The following LIN7A variants were observed in gnomAD, a reference collection of about 807,000 sequenced individuals.
The protein encoded by LIN7A is lin-7 cell polarity scaffold A.
In LIN7A, 25 loss-of-function variants were observed where a neutral mutation model predicts 29.8. The observed-to-expected ratio is 0.84, with a 90% CI of 0.61 to 1.17. The LOEUF (loss-of-function observed/expected upper bound fraction) is 1.17. LIN7A is among the 50% of genes most tolerant of loss of function. The pLI is 0.00. For synonymous variants in LIN7A, 118 were observed against 107.5 expected, an observed-to-expected ratio of 1.10 and a Z score of -0.60; for missense variants, 239 against 287.0, an observed-to-expected ratio of 0.83 and a Z score of 1.21.
Position 80,795,489 on chromosome 12 carries a change from C to T in LIN7A, c.*2238G>A, listed in dbSNP as rs1787530777. ...TCTAGAAAACACAAATGTAAACTAT[C>T]TTACCATTTGATAGTTGTTTCTGTA... On this transcript the variant is annotated 3_prime_UTR_variant, in exon 6 of 6. Transcript: ENST00000552864. 1.3e-5 allele frequency: 2 copies of T among 149,964 alleles called. No homozygotes were observed. The highest frequency in any genetic ancestry group is 4.8e-5 in the African/African-American group (2 of 41,268). The allele number at this position is 149,964 out of a possible 1,614,324, so 9.3% of individuals were successfully genotyped here.
At chr12:80,899,903 G>T (rs1161821038) in intron 1 of LIN7A, among the ~76,000 whole-genome samples, 1 of 151,032 alleles carries the variant, frequency 6.6e-6, no homozygotes, top group African/African-American at 2.4e-5. Flanking sequence ...GAGTAGCTGG[G>T]ACTACAGGCG....
intron 1 of LIN7A, among the ~76,000 whole-genome samples, chr12:80,907,052 G>GCT (rs66958018): frequency 0.028 from 1,481 of 51,992 alleles, 21 homozygotes; most frequent in Middle Eastern, 0.12. Flanking sequence ...CAGAGTGCGT[G>GCT]CTCTGTGTGT....
chr12:80,798,495 T>C (rs1376286723), intron 5 of LIN7A, among the ~76,000 whole-genome samples: 1 of 152,174 alleles, frequency 6.6e-6, no homozygotes, highest in East Asian at 1.9e-4. Context: ...ACTGAGTGGA[T>C]TGAAAACCGT....
At chr12:80,912,083 C>T (rs1876778040) in intron 1 of LIN7A, among the ~76,000 whole-genome samples, 1 of 152,150 alleles carries the variant, frequency 6.6e-6, no homozygotes, top group Non-Finnish European at 1.5e-5. Flanking sequence ...TCAGTGTCAA[C>T]ACTTACTAAT....
chr12:80,879,593 A>G (rs1023333222), intron 2 of LIN7A, among the ~76,000 whole-genome samples: 10 of 131,962 alleles, frequency 7.6e-5, no homozygotes, highest in Middle Eastern at 5.5e-3. Flanking sequence ...AATTTAGGCT[A>G]CTCTGGAACA....
intron 2 of LIN7A, among the ~76,000 whole-genome samples, chr12:80,854,760 C>T (rs769831727): frequency 6.6e-5 from 10 of 151,766 alleles, no homozygotes; most frequent in South Asian, 2.1e-4. Context: ...AATTATACTT[C>T]GAAAGACTGA....
At chr12:80,899,916 C>T (rs913424173) in intron 1 of LIN7A, among the ~76,000 whole-genome samples, 61 of 151,632 alleles carry the variant, frequency 4.0e-4, no homozygotes, top group African/African-American at 1.4e-3. Context: ...TACAGGCGCC[C>T]GCCACAATGC....
intron 1 of LIN7A, among the ~76,000 whole-genome samples, chr12:80,907,654 C>CA (rs924335141): frequency 5.3e-5 from 8 of 151,478 alleles, no homozygotes; most frequent in East Asian, 1.9e-4. Context: ...TAATAGAACA[C>CA]AAAAAAAGGC....
intron 1 of LIN7A, among the ~76,000 whole-genome samples, chr12:80,914,313 A>T (rs1353265510): frequency 1.3e-5 from 2 of 152,190 alleles, no homozygotes; most frequent in Non-Finnish European, 2.9e-5. Context: ...AAACACCTTC[A>T]ATTTTGTTTA....
intron 2 of LIN7A, among the ~76,000 whole-genome samples, chr12:80,867,838 A>G (rs1366346798): frequency 1.3e-5 from 2 of 152,162 alleles, no homozygotes; most frequent in African/African-American, 4.8e-5. Context: ...AAGTATTTTC[A>G]ATTTGTGCCT....
At chr12:80,904,822 C>T (rs1876390989) in intron 1 of LIN7A, among the ~76,000 whole-genome samples, 1 of 151,988 alleles carries the variant, frequency 6.6e-6, no homozygotes, top group Non-Finnish European at 1.5e-5. Flanking sequence ...TTCATATATA[C>T]CTATACATGT....
chr12:80,895,995 T>G (rs1052161703), intron 1 of LIN7A, among the ~76,000 whole-genome samples: 3 of 152,200 alleles, frequency 2.0e-5, no homozygotes, highest in Non-Finnish European at 4.4e-5. Context: ...AAATACAAGC[T>G]AGCTGCCAGG....
chr12:80,827,453 G>T (rs576088636), intron 4 of LIN7A, among the ~76,000 whole-genome samples: 1 of 152,154 alleles, frequency 6.6e-6, no homozygotes, highest in East Asian at 1.9e-4. Flanking sequence ...TGGACTACCC[G>T]TGTAAAGTGC....
At chr12:80,878,824 G>A (rs926981144) in intron 2 of LIN7A, among the ~76,000 whole-genome samples, 9 of 152,016 alleles carry the variant, frequency 5.9e-5, no homozygotes, top group African/African-American at 2.2e-4. Context: ...GCTGAATGGT[G>A]CATTTTACAA....
chr12:80,927,396 G>T (rs190420621), intron 1 of LIN7A, among the ~76,000 whole-genome samples: 2 of 152,002 alleles, frequency 1.3e-5, no homozygotes, highest in Non-Finnish European at 2.9e-5. Context: ...TGATCTGCCC[G>T]CCTTGGCCTC....
chr12:80,927,248 G>A (rs1488402511), intron 1 of LIN7A, among the ~76,000 whole-genome samples: 23 of 130,084 alleles, frequency 1.8e-4, no homozygotes, highest in African/African-American at 6.3e-4. Context: ...TGCAAGCTCC[G>A]CCTTCCGGCT....
Position 80,914,990 on chromosome 12 carries a change from A to C in LIN7A, c.82+22651T>G, listed in dbSNP as rs1302403020. The stretch of plus-strand genomic sequence containing the variant: ...TTGAGCCTATTGCAACAAAAACAAA[A>C]ATTGACAAGTGGAATCTAATTAAAC... On this transcript the variant is annotated intron_variant, in intron 1 of 5. Coordinates refer to ENST00000552864, the MANE Select transcript of LIN7A (RefSeq NM_004664.4). Among the ~76,000 whole-genome samples, 4 of 152,106 alleles carry C rather than the reference A, an allele frequency of 2.6e-5. No individual in the cohort carries two copies. The East Asian group carries it at 5.8e-4, about 22-fold the overall frequency.
chr12:80,821,658 A>G (rs940083061), intron 4 of LIN7A, among the ~76,000 whole-genome samples: 30 of 152,308 alleles, frequency 2.0e-4, no homozygotes, highest in Non-Finnish European at 2.9e-4. Context: ...GAGGTGCTGC[A>G]GGGCTGTGGG....
chr12:80,792,636 T>A lies in LIN7A; in HGVS notation c.*5091A>T, dbSNP rs1592835198. 6.6e-6 allele frequency: 1 copy of A among 152,220 alleles called. No homozygotes were observed. The highest frequency in any genetic ancestry group is 2.1e-4 in the South Asian group (1 of 4,830). 9.4% of individuals were successfully genotyped at this position (152,220 alleles called of 1,614,324 possible). On this transcript the variant is annotated 3_prime_UTR_variant, in exon 6 of 6. Coordinates refer to ENST00000552864, the MANE Select transcript of LIN7A (RefSeq NM_004664.4). ...AATGAAAACAATTGGAAAGACATGA[T>A]GTACATGCAAATGGTGAGAAAATGA...
Sources: gnomAD v4.1 joint callset for allele counts (sites outside exome capture counted in the v4.1 genomes callset) on GRCh38, gnomAD v4.1.1 for gene constraint, MANE v1.5 for transcripts, NCBI Gene and HGNC (gene_info 2026-07-23, HGNC 2026-07-21) for gene names.